Variants in CEP83 observed in about 807,000 individuals in gnomAD.
The protein encoded by CEP83 is centrosomal protein 83.
CEP83 carries 70 observed loss-of-function variants against 101.9 expected under a neutral mutation model. The ratio of observed to expected loss-of-function variants is 0.69; its 90% CI spans 0.57 to 0.84. The LOEUF is 0.84. Ranked by LOEUF, CEP83 falls within the 40% of genes least tolerant of loss-of-function variation. The probability of loss-of-function intolerance (pLI) is 0.00; values close to 1 mark genes in which losing one functional copy is unlikely to be tolerated. For missense variants in CEP83, 715 were observed against 787.2 expected, an observed-to-expected ratio of 0.91 and a Z score of 1.10; for synonymous variants, 264 against 267.9, an observed-to-expected ratio of 0.99 and a Z score of 0.14.
Position 94,416,006 on chromosome 12 carries a change from C to A in CEP83, c.-101-3415G>T, listed in dbSNP as rs377334582. Among the ~76,000 whole-genome samples, 21 of 152,256 alleles carry A rather than the reference C, an allele frequency of 1.4e-4. No individual in the cohort carries two copies. In the South Asian group the frequency reaches 1.4e-3, roughly 11 times the overall value. Reference sequence around the variant, plus strand: ...ACCAAGATCATACAAGATACCTTCTCTGACCACAATGCTATTAAACTAAAC... The same window carrying A: ...ACCAAGATCATACAAGATACCTTCTATGACCACAATGCTATTAAACTAAAC... On this transcript the variant is annotated intron_variant, in intron 2 of 16. Coordinates refer to ENST00000397809, the MANE Select transcript of CEP83 (RefSeq NM_016122.3).
At chr12:94,298,772 C>T in the CEP83 span, 73 of 1,610,660 alleles carry the variant, frequency 4.5e-5, no homozygotes, top group Non-Finnish European at 8.5e-7. Flanking sequence ...ATCCTGACGT[C>T]GTACATATTT....
chr12:94,358,474 G>A (rs1372343879), intron 11 of CEP83, among the ~76,000 whole-genome samples: 1 of 152,184 alleles, frequency 6.6e-6, no homozygotes, highest in African/African-American at 2.4e-5. Flanking sequence ...CTTTCAAATG[G>A]TTAACAGATA....
intron 11 of CEP83, among the ~76,000 whole-genome samples, chr12:94,346,197 C>G (rs2059925733): frequency 6.6e-6 from 1 of 152,016 alleles, no homozygotes; most frequent in African/African-American, 2.4e-5. Context: ...TTACAGGCAC[C>G]TGCCACCACG....
rs1593761244 is a variant in CEP83, at chr12:94,403,508, T to C, written c.325-246A>G. Among the ~76,000 whole-genome samples, 4 of 152,350 alleles carry C rather than the reference T, an allele frequency of 2.6e-5. No individual in the cohort carries two copies. The South Asian group carries it at 6.2e-4, about 24-fold the overall frequency. On this transcript the variant is annotated intron_variant, in intron 4 of 16. Coordinates refer to ENST00000397809, the MANE Select transcript of CEP83 (RefSeq NM_016122.3). Reference sequence around the variant, plus strand: ...AAGTAAAGACAATTACTGATTATTATTGCTATTGTTAGGAATAACTATGTT... The same window carrying C: ...AAGTAAAGACAATTACTGATTATTACTGCTATTGTTAGGAATAACTATGTT...
chr12:94,445,537 A>G (rs775026392), intron 1 of CEP83, among the ~76,000 whole-genome samples: 11 of 152,234 alleles, frequency 7.2e-5, no homozygotes, highest in Non-Finnish European at 1.6e-4. Context: ...ATCCACTGTT[A>G]CATAAATGAC....
At chr12:94,409,450 G>C (rs943268783) in intron 4 of CEP83, among the ~76,000 whole-genome samples, 1 of 151,970 alleles carries the variant, frequency 6.6e-6, no homozygotes, top group Non-Finnish European at 1.5e-5. Flanking sequence ...ATTTTAATAG[G>C]AGAGAGAAAA....
chr12:94,364,787 G>A (rs890381575), intron 11 of CEP83, among the ~76,000 whole-genome samples: 3 of 152,106 alleles, frequency 2.0e-5, no homozygotes, highest in African/African-American at 7.2e-5. Flanking sequence ...GCAAAGACAG[G>A]TTTTTAATAA....
chr12:94,376,150 C>A, intron 7 of CEP83, 133 bp from the exon 8 acceptor site: 1 of 492,980 alleles, frequency 2.0e-6, no homozygotes, highest in Non-Finnish European at 3.2e-6. Context: ...ACCAATGTAA[C>A]AAAAATTTTC....
chr12:94,413,325 T>C (rs1189962545), intron 2 of CEP83, among the ~76,000 whole-genome samples: 1 of 152,230 alleles, frequency 6.6e-6, no homozygotes, highest in Non-Finnish European at 1.5e-5. Flanking sequence ...CTAGCTCCAC[T>C]AGAAGCAGAC....
chr12:94,422,807 T>C (rs1160025775), intron 2 of CEP83, among the ~76,000 whole-genome samples: 1 of 152,262 alleles, frequency 6.6e-6, no homozygotes, highest in Non-Finnish European at 1.5e-5. Context: ...TAAGGCTAAA[T>C]AGCATTTCAT....
At chr12:94,428,156 A>G (rs1369465095) in intron 2 of CEP83, among the ~76,000 whole-genome samples, 1 of 152,274 alleles carries the variant, frequency 6.6e-6, no homozygotes, top group Non-Finnish European at 1.5e-5. Context: ...GAATCTAGAA[A>G]GTAGGACATA....
At chr12:94,379,279 G>A (rs1052475750) in intron 6 of CEP83, among the ~76,000 whole-genome samples, 1 of 152,082 alleles carries the variant, frequency 6.6e-6, no homozygotes, top group African/African-American at 2.4e-5. Flanking sequence ...CTAGAACAGG[G>A]CTTAATCAGT....
the CEP83 span, chr12:94,297,450 T>C: frequency 1.4e-6 from 2 of 1,441,880 alleles, no homozygotes; most frequent in Non-Finnish European, 9.7e-7. Flanking sequence ...GGGAGCACTT[T>C]ATGGCTACCT....
chr12:94,305,201 A>T, downstream of CEP83: 1 of 1,608,186 alleles, frequency 6.2e-7, no homozygotes, highest in South Asian at 1.1e-5. Context: ...AACTAGAAAG[A>T]GAACGAGGGC....
At chr12:94,275,900 C>T in the CEP83 span, among the ~76,000 whole-genome samples, 1 of 146,408 alleles carries the variant, frequency 6.8e-6, no homozygotes, top group Non-Finnish European at 1.5e-5. Flanking sequence ...TGTTTGAGCA[C>T]TAAGTGTTAG....
intron 6 of CEP83, among the ~76,000 whole-genome samples, chr12:94,400,477 A>G (rs1156961743): frequency 6.6e-6 from 1 of 152,198 alleles, no homozygotes; most frequent in East Asian, 1.9e-4. Flanking sequence ...GTGCTTTCCC[A>G]TATGTGGTTT....
At chr12:94,282,440 C>T in the CEP83 span, 3 of 1,301,324 alleles carry the variant, frequency 2.3e-6, no homozygotes, top group African/African-American at 1.5e-5. Context: ...CTTCCTCATC[C>T]CCAATCCTAG....
intron 6 of CEP83, among the ~76,000 whole-genome samples, chr12:94,390,199 G>T (rs1277577481): frequency 6.6e-6 from 1 of 152,170 alleles, no homozygotes; most frequent in Non-Finnish European, 1.5e-5. Context: ...GCATAACTGG[G>T]AGACACCTCT....
At chr12:94,285,537 T>G in the CEP83 span, among the ~76,000 whole-genome samples, 27 of 152,192 alleles carry the variant, frequency 1.8e-4, no homozygotes, top group African/African-American at 6.5e-4. Flanking sequence ...GGAATCATCT[T>G]GCCAAGAGCA....
Sources: gnomAD v4.1 joint callset for allele counts (sites outside exome capture counted in the v4.1 genomes callset) on GRCh38, gnomAD v4.1.1 for gene constraint, MANE v1.5 for transcripts, NCBI Gene and HGNC (gene_info 2026-07-23, HGNC 2026-07-21) for gene names.